AFF2: variants seen among roughly 807,000 people sequenced by gnomAD.
The protein encoded by AFF2 is ALF transcription elongation factor 2.
Under a neutral mutation model 76.9 loss-of-function variants are expected in AFF2, and 14 were observed. The observed-to-expected ratio is 0.18, with a 90% CI of 0.12 to 0.28. The LOEUF (loss-of-function observed/expected upper bound fraction) is 0.28, where lower values mean the gene tolerates loss of function less well. AFF2 is among the 10% of genes least tolerant of loss of function. The pLI, the probability that AFF2 is intolerant of heterozygous loss-of-function variation, is 1.00. For synonymous variants in AFF2, 398 were observed against 366.7 expected (o/e 1.09, Z -0.98); for missense variants, 868 against 1,001.1 (o/e 0.87, Z 1.79).
intron 9 of AFF2, among the ~76,000 whole-genome samples, chrX:148,921,329 T>A (rs1412869384): frequency 8.9e-6 from 1 of 112,165 alleles, no homozygotes; most frequent in Non-Finnish European, 1.9e-5. Context: ...ATTCACAGAT[T>A]TTTGTAACAA....
chrX:148,901,835 A>G (rs1557280927), intron 8 of AFF2, among the ~76,000 whole-genome samples: 2 of 112,055 alleles, frequency 1.8e-5, no homozygotes, highest in Non-Finnish European at 3.8e-5. Flanking sequence ...GTTCTCTGCC[A>G]TCATTTACTC....
chrX:148,604,932 CTA>C (rs2053659349), intron 1 of AFF2, among the ~76,000 whole-genome samples: 1 of 111,710 alleles, frequency 9.0e-6, no homozygotes, highest in Admixed American at 9.5e-5. Context: ...GAAAGAAAAA[CTA>C]TACAAAATAA....
chrX:148,984,890 G>T (rs1280662125), intron 19 of AFF2, among the ~76,000 whole-genome samples: 2 of 111,605 alleles, frequency 1.8e-5, no homozygotes, highest in African/African-American at 6.5e-5. Flanking sequence ...GGGGCACACA[G>T]CAATTTTATG....
intron 1 of AFF2, among the ~76,000 whole-genome samples, chrX:148,565,569 C>T (rs924861089): frequency 1.3e-4 from 15 of 111,140 alleles, no homozygotes; most frequent in Admixed American, 2.9e-4. Context: ...AAATTTCATA[C>T]TTATTAGCTT....
At chrX:148,648,985 A>G (rs1275668044) in intron 1 of AFF2, among the ~76,000 whole-genome samples, 1 of 112,026 alleles carries the variant, frequency 8.9e-6, no homozygotes, top group Non-Finnish European at 1.9e-5. Flanking sequence ...TTCATCACAG[A>G]ATAAACTTGA....
In AFF2 at chrX:148,691,138, C is replaced by T. The variant is rs782652250; in HGVS notation, c.1041+28370C>T. Among the ~76,000 whole-genome samples, 11 of 111,714 alleles carry T rather than the reference C, an allele frequency of 9.8e-5. 1 individual carries two copies. Among genetic ancestry groups the T allele is most frequent in the African/African-American group, 2.0e-4 (6 of 30,754 alleles). On this transcript the variant is annotated intron_variant, in intron 3 of 20. Coordinates refer to ENST00000370460, the MANE Select transcript of AFF2 (RefSeq NM_002025.4). ...AATTCAGCCCATAACCGTGTGTCTA[C>T]GCCTCAGTTATCTTATCAACAAAAC...
intron 20 of AFF2, 111 bp from the exon 21 acceptor site, chrX:148,991,100 C>T: frequency 1.2e-6 from 1 of 835,507 alleles, no homozygotes; most frequent in Non-Finnish European, 1.6e-6. Flanking sequence ...AAATGAATCA[C>T]ATTTCCATTG....
chrX:148,967,819 G>T (rs1307554338), intron 15 of AFF2, 127 bp downstream of exon 15: 3 of 525,155 alleles, frequency 5.7e-6, no homozygotes, highest in South Asian at 3.3e-5. Flanking sequence ...ACACATTGCT[G>T]CCCTGACATA....
At chrX:148,862,463 G>A (rs892647207) in intron 7 of AFF2, among the ~76,000 whole-genome samples, 20 of 111,459 alleles carry the variant, frequency 1.8e-4, no homozygotes, top group African/African-American at 5.5e-4. Context: ...GAGGTGATGC[G>A]TTATACACAA....
At chrX:148,815,341 T>G (rs1265141899) in intron 4 of AFF2, among the ~76,000 whole-genome samples, 1 of 111,616 alleles carries the variant, frequency 9.0e-6, no homozygotes, top group East Asian at 2.8e-4. Flanking sequence ...CTGGGTAAAT[T>G]ATGTGCAGTA....
chrX:148,701,016 G>GAGAA (rs1239381497), intron 3 of AFF2, among the ~76,000 whole-genome samples: 328 of 98,813 alleles, frequency 3.3e-3, no homozygotes, highest in African/African-American at 0.012. Flanking sequence ...GAGAGAATGT[G>GAGAA]TGTGTGTGTG....
chrX:148,850,408 C>T (rs782283517), intron 7 of AFF2, among the ~76,000 whole-genome samples: 1 of 111,750 alleles, frequency 8.9e-6, no homozygotes, highest in East Asian at 2.8e-4. Context: ...CATTTTTAAA[C>T]AGTAACTGGG....
At chrX:148,985,154 T>G (rs142905297) in intron 19 of AFF2, among the ~76,000 whole-genome samples, 1 of 108,057 alleles carries the variant, frequency 9.3e-6, no homozygotes, top group Non-Finnish European at 1.9e-5. Flanking sequence ...CCAGCTAATT[T>G]TCGTATTTTT....
intron 1 of AFF2, among the ~76,000 whole-genome samples, chrX:148,609,636 A>G (rs1264787262): frequency 8.9e-6 from 1 of 111,782 alleles, no homozygotes; most frequent in Non-Finnish European, 1.9e-5. Flanking sequence ...ATGCCAAAGT[A>G]CTTTGCATGC....
chrX:148,950,283 A>T (rs1478849996), intron 9 of AFF2, among the ~76,000 whole-genome samples: 1 of 112,293 alleles, frequency 8.9e-6, no homozygotes, highest in Non-Finnish European at 1.9e-5. Flanking sequence ...TAAAGCTTAC[A>T]TTCCTTAGCA....
chrX:148,857,117 G>C (rs1557275962), intron 7 of AFF2, among the ~76,000 whole-genome samples: 1 of 111,828 alleles, frequency 8.9e-6, no homozygotes, highest in Admixed American at 9.5e-5. Flanking sequence ...AATCTCAGAA[G>C]ACACACTAAT....
chrX:148,850,380 T>G (rs1264490557), intron 7 of AFF2, among the ~76,000 whole-genome samples: 3 of 112,162 alleles, frequency 2.7e-5, no homozygotes, highest in Non-Finnish European at 5.6e-5. Context: ...CAGCGGCATA[T>G]TTCCAAATTC....
At chrX:148,581,767 T>C (rs2053416587) in intron 1 of AFF2, among the ~76,000 whole-genome samples, 1 of 112,828 alleles carries the variant, frequency 8.9e-6, no homozygotes, top group East Asian at 2.8e-4. Flanking sequence ...AAGTTCAATG[T>C]ATACTTACTA....
intron 3 of AFF2, among the ~76,000 whole-genome samples, chrX:148,746,070 G>A (rs1280966003): frequency 9.0e-6 from 1 of 111,626 alleles, no homozygotes; most frequent in Non-Finnish European, 1.9e-5. Flanking sequence ...AGGGAAAAAC[G>A]CCTGCATAAG....
Sources: gnomAD v4.1 joint callset for allele counts (sites outside exome capture counted in the v4.1 genomes callset) on GRCh38, gnomAD v4.1.1 for gene constraint, MANE v1.5 for transcripts, NCBI Gene and HGNC (gene_info 2026-07-23, HGNC 2026-07-21) for gene names.